The following TRUB2 variants were observed in gnomAD, a reference collection of about 807,000 sequenced individuals.
TRUB2 encodes the protein pseudouridylate synthase TRUB2, mitochondrial.
TRUB2 carries 31 observed loss-of-function variants against 31.9 expected under a neutral mutation model. That is an observed-to-expected ratio of 0.97 (90% CI 0.73 to 1.31). The LOEUF is 1.31. Ranked by LOEUF, TRUB2 falls within the 50% of genes most tolerant of loss-of-function variation. TRUB2 has a pLI of 0.00. For missense variants in TRUB2, 451 were observed against 439.6 expected (o/e 1.03, Z -0.23); for synonymous variants, 201 against 182.6 (o/e 1.10, Z -0.81).
chr9:128,320,940 C>T (rs1832159693), intron 2 of TRUB2, among the ~76,000 whole-genome samples: 1 of 152,098 alleles, frequency 6.6e-6, no homozygotes. Context: ...AGGCGCCTGC[C>T]ACCACTCCCG....
In TRUB2 at chr9:128,315,665, C is replaced by G. The variant is rs376412919; in HGVS notation, c.317-37G>C. The G allele has an allele frequency of 2.4e-4, 392 of 1,603,698 alleles. 2 individuals are homozygous for G. The Middle Eastern group carries it at 9.5e-3, about 39-fold the overall frequency. The stretch of plus-strand genomic sequence containing the variant: ...CCAGCGTCATCTCACACCTGGGACC[C>G]CCTTCCCATTCCCCTAAGTATCCCC... On this transcript the variant is annotated intron_variant, in intron 3 of 7. Coordinates refer to ENST00000372890, the MANE Select transcript of TRUB2 (RefSeq NM_015679.3).
chr9:128,314,060 T>G (rs1414595625), intron 4 of TRUB2, among the ~76,000 whole-genome samples, 171 bp from the exon 5 acceptor site: 1 of 152,192 alleles, frequency 6.6e-6, no homozygotes, highest in East Asian at 1.9e-4. Flanking sequence ...AGCTCTGTCA[T>G]GTGGCCTTCA....
intron 4 of TRUB2, among the ~76,000 whole-genome samples, chr9:128,314,800 A>T (rs914350018): frequency 6.6e-6 from 1 of 152,132 alleles, no homozygotes; most frequent in Admixed American, 6.6e-5. Flanking sequence ...CTGGTCTCAA[A>T]TTCCTGGGCT....
intron 2 of TRUB2, among the ~76,000 whole-genome samples, chr9:128,320,904 T>C (rs1832158568): frequency 6.6e-6 from 1 of 152,134 alleles, no homozygotes; most frequent in Non-Finnish European, 1.5e-5. Context: ...TTCTCCTGCC[T>C]CAGCCTCCTG....
intron 5 of TRUB2, among the ~76,000 whole-genome samples, chr9:128,312,286 C>T (rs949645508): frequency 3.3e-5 from 5 of 151,374 alleles, no homozygotes; most frequent in Admixed American, 6.6e-5. Context: ...TAAAGGTACA[C>T]GCCAAGACAC....
intron 2 of TRUB2, 115 bp downstream of exon 2, chr9:128,321,484 C>T (rs1192056215): frequency 6.5e-7 from 1 of 1,544,412 alleles, no homozygotes; most frequent in East Asian, 2.3e-5. Flanking sequence ...TCTAATACCT[C>T]ACTCCTCTGT....
chr9:128,317,506 C>T (rs955225317), intron 2 of TRUB2, among the ~76,000 whole-genome samples: 2 of 152,190 alleles, frequency 1.3e-5, no homozygotes, highest in African/African-American at 2.4e-5. Flanking sequence ...GTCAAGAGTG[C>T]GGGGTTCCCT....
chr9:128,313,327 C>A (rs1161643362), intron 5 of TRUB2, among the ~76,000 whole-genome samples: 1 of 151,168 alleles, frequency 6.6e-6, no homozygotes, highest in Non-Finnish European at 1.5e-5. Context: ...GAGATCCAGA[C>A]CATCTTGGCT....
At position 128,307,893 on chromosome 9, in the gene TRUB2, C is replaced by T. The variant is rs1362909149; in HGVS notation, c.*1657G>A. 1 of 152,096 alleles carries T rather than the reference C, an allele frequency of 6.6e-6. No individual in the cohort carries two copies. The highest frequency in any genetic ancestry group is 1.5e-5 in the Non-Finnish European group (1 of 68,140). The allele number at this position is 152,096 out of a possible 1,614,324, so 9.4% of individuals were successfully genotyped here. On this transcript the variant is annotated 3_prime_UTR_variant, in exon 8 of 8. Transcript: ENST00000372890. ...CTCCAGCCTGGGTGACAGAGCAAGA[C>T]CCTGTCTAAAAAACAAAAACAGGCC...
chr9:128,310,868 A>G lies in TRUB2; in HGVS notation c.670+19T>C. On this transcript the variant is annotated intron_variant, in intron 7 of 7. Coordinates refer to ENST00000372890, the MANE Select transcript of TRUB2 (RefSeq NM_015679.3). ...CTACGGGTCCCATCTCACTGCTCCA[A>G]CTTCCTTGGCCAACCTACCTAAGAG... is the stretch of plus-strand genomic sequence containing the variant. 1 of 1,613,864 alleles carries G rather than the reference A, an allele frequency of 6.2e-7. No homozygotes were observed. The highest frequency in any genetic ancestry group is 8.5e-7 in the Non-Finnish European group (1 of 1,179,788).
intron 6 of TRUB2, 49 bp downstream of exon 6, chr9:128,311,480 C>A (rs201706794): frequency 6.3e-7 from 1 of 1,595,084 alleles, no homozygotes; most frequent in African/African-American, 1.3e-5. Context: ...CCTACGGGAG[C>A]CAAGGGCACT....
In TRUB2 at chr9:128,307,688, C is replaced by T. The variant is rs552325107; in HGVS notation, c.*1862G>A. 6.6e-6 allele frequency: 1 copy of T among 152,028 alleles called. No homozygotes were observed. Among genetic ancestry groups the T allele is most frequent in the East Asian group, 2.0e-4 (1 of 5,128 alleles). The allele number at this position is 152,028 out of a possible 1,614,324, so 9.4% of individuals were successfully genotyped here. Reference sequence around the variant, plus strand: ...TCGAGGCTGCAATGAGTTGAAACCGCGCCACTGCACTCTAGCCTGGGCGAC... The same window carrying T: ...TCGAGGCTGCAATGAGTTGAAACCGTGCCACTGCACTCTAGCCTGGGCGAC... On this transcript the variant is annotated 3_prime_UTR_variant, in exon 8 of 8. Transcript: ENST00000372890.
In TRUB2 at chr9:128,315,053, G is replaced by A. The variant is rs191145857; in HGVS notation, c.378+514C>T. The stretch of plus-strand genomic sequence containing the variant: ...ATGGGCCCCATAACGTGGCACCTGC[G>A]TACATACTTTGTGGTATCAGACTCC... On this transcript the variant is annotated intron_variant, in intron 4 of 7. Transcript: ENST00000372890. Among the ~76,000 whole-genome samples, 6 of 152,148 alleles carry A rather than the reference G, an allele frequency of 3.9e-5. No homozygotes were observed. In the South Asian group the frequency reaches 6.2e-4, roughly 16 times the overall value.
rs1831917460 is a variant in TRUB2, at chr9:128,309,166, TG to T, written c.*383del. ...AGTTTATTGAGAATTTTTTTTTTTTTGAGATGGCAGGGGTCTCATATGTTCC... is the reference window on the plus strand; with the variant it reads ...AGTTTATTGAGAATTTTTTTTTTTTTAGATGGCAGGGGTCTCATATGTTCC... On this transcript the variant is annotated 3_prime_UTR_variant, in exon 8 of 8. Transcript: ENST00000372890. 2 of 178,518 alleles carry T rather than the reference TG, an allele frequency of 1.1e-5. No homozygotes were observed. The highest frequency in any genetic ancestry group is 1.6e-4 in the South Asian group (1 of 6,252). The allele number at this position is 178,518 out of a possible 1,614,324, so 11.1% of individuals were successfully genotyped here. A position where few individuals can be genotyped will look rare whatever the true frequency, so the allele number is the denominator to read the frequency against.
intron 5 of TRUB2, among the ~76,000 whole-genome samples, chr9:128,312,174 T>G (rs1456557125): frequency 1.4e-5 from 2 of 146,668 alleles, no homozygotes; most frequent in African/African-American, 5.1e-5. Flanking sequence ...TCTTGTTCTG[T>G]TGCCCAGGCT....
chr9:128,314,306 A>C (rs1588524176), intron 4 of TRUB2, among the ~76,000 whole-genome samples: 1 of 151,948 alleles, frequency 6.6e-6, no homozygotes, highest in Non-Finnish European at 1.5e-5. Context: ...TCTCCTCTCC[A>C]ACCTAACTCG....
intron 2 of TRUB2, among the ~76,000 whole-genome samples, chr9:128,319,383 C>T (rs1307497484): frequency 1.2e-4 from 18 of 151,556 alleles, no homozygotes; most frequent in East Asian, 2.0e-4. Flanking sequence ...CCCAGCTACT[C>T]GGGAGGCTTA....
chr9:128,317,857 A>T (rs2131452812), intron 2 of TRUB2, among the ~76,000 whole-genome samples: 1 of 152,340 alleles, frequency 6.6e-6, no homozygotes, highest in Middle Eastern at 3.4e-3. Context: ...TGCCTAGTAC[A>T]GAGTGGCGAC....
rs535845395 is a variant in TRUB2 at position 128,318,074 on chromosome 9, T to C, written c.242-848A>G. ...AAATCACTCTTTCGGCTGGGCGCAGTGGCTCACACCTGTAATCCCAGCACT... is the reference window on the plus strand; with the variant it reads ...AAATCACTCTTTCGGCTGGGCGCAGCGGCTCACACCTGTAATCCCAGCACT... On this transcript the variant is annotated intron_variant, in intron 2 of 7. Transcript: ENST00000372890. Among the ~76,000 whole-genome samples, 14 of 152,312 alleles carry C rather than the reference T, an allele frequency of 9.2e-5. No individual in the cohort carries two copies. The East Asian group carries it at 9.6e-4, about 10-fold the overall frequency.
Sources: gnomAD v4.1 joint callset for allele counts (sites outside exome capture counted in the v4.1 genomes callset) on GRCh38, gnomAD v4.1.1 for gene constraint, MANE v1.5 for transcripts, NCBI Gene and HGNC (gene_info 2026-07-23, HGNC 2026-07-21) for gene names.